The following DNM3 variants were observed in gnomAD, a reference collection of about 807,000 sequenced individuals.
DNM3 encodes the protein dynamin-3.
DNM3 carries 47 observed loss-of-function variants against 101.6 expected under a neutral mutation model. The observed-to-expected ratio is 0.46, with a 90% CI of 0.37 to 0.59. The LOEUF is 0.59. Among genes scored for constraint, DNM3 ranks in the 20% least tolerant of loss-of-function variants. The pLI is 0.00. For missense variants in DNM3, 849 were observed against 1,085.7 expected, an observed-to-expected ratio of 0.78 and a Z score of 3.06; for synonymous variants, 385 against 387.9, an observed-to-expected ratio of 0.99 and a Z score of 0.09.
intron 14 of DNM3, among the ~76,000 whole-genome samples, chr1:172,215,491 T>G (rs1191772287): frequency 6.6e-6 from 1 of 152,024 alleles, no homozygotes; most frequent in Non-Finnish European, 1.5e-5. Context: ...GCTCCAGTCT[T>G]TATTATGTAT....
chr1:172,161,677 G>A (rs1472972285), intron 14 of DNM3, among the ~76,000 whole-genome samples: 1 of 151,994 alleles, frequency 6.6e-6, no homozygotes, highest in Non-Finnish European at 1.5e-5. Flanking sequence ...ATGGGAAAAG[G>A]TGTTGTTTTG....
intron 20 of DNM3, among the ~76,000 whole-genome samples, chr1:172,407,183 A>G (rs1422839022): frequency 1.4e-5 from 2 of 146,340 alleles, no homozygotes; most frequent in South Asian, 4.6e-4. Flanking sequence ...AAGACCCAAA[A>G]TAGGAACTAG....
chr1:172,071,104 T>C (rs1401542642), intron 11 of DNM3, among the ~76,000 whole-genome samples: 1 of 135,662 alleles, frequency 7.4e-6, no homozygotes, highest in Non-Finnish European at 1.5e-5. Flanking sequence ...TATATATATA[T>C]ATATATATAT....
At chr1:172,105,384 A>G (rs1242834433) in intron 13 of DNM3, among the ~76,000 whole-genome samples, 1 of 152,232 alleles carries the variant, frequency 6.6e-6, no homozygotes, top group Non-Finnish European at 1.5e-5. Flanking sequence ...AGGTCATACA[A>G]TGGATAAGTG....
At chr1:172,008,624 T>C (rs1402491941) in intron 4 of DNM3, among the ~76,000 whole-genome samples, 1 of 150,384 alleles carries the variant, frequency 6.6e-6, no homozygotes, top group Non-Finnish European at 1.5e-5. Flanking sequence ...AGAGTCAAAG[T>C]TCATTATTTT....
intron 14 of DNM3, 31 bp downstream of exon 14, chr1:172,131,319 G>C (rs372390994): frequency 1.0e-4 from 165 of 1,580,632 alleles, no homozygotes; most frequent in South Asian, 1.2e-4. Context: ...AAGTTTTCTT[G>C]TTAAAGTATT....
Position 172,236,168 on chromosome 1 carries a change from C to T in DNM3, c.1660-17405C>T, listed in dbSNP as rs554750249. Among the ~76,000 whole-genome samples, 51 of 152,248 alleles carry T rather than the reference C, an allele frequency of 3.3e-4. 1 individual carries two copies. The highest frequency in any genetic ancestry group is 1.1e-3 in the African/African-American group (47 of 41,558). On this transcript the variant is annotated intron_variant, in intron 14 of 20. Transcript: ENST00000627582. The stretch of plus-strand genomic sequence containing the variant: ...AATTACTTAGAAGGATCTCTGTCTC[C>T]TTCCTCCTCTACCATGTTAGTCTAC...
chr1:171,992,580 C>A (rs1349858357), intron 4 of DNM3, among the ~76,000 whole-genome samples: 2 of 152,034 alleles, frequency 1.3e-5, no homozygotes, highest in East Asian at 3.9e-4. Flanking sequence ...TGTTCATGAA[C>A]TTACCTAAAA....
At chr1:171,973,214 G>T (rs1348370340) in intron 2 of DNM3, among the ~76,000 whole-genome samples, 1 of 152,166 alleles carries the variant, frequency 6.6e-6, no homozygotes, top group African/African-American at 2.4e-5. Flanking sequence ...GCCTCTTGGA[G>T]GGGAGAGCTT....
At chr1:172,256,791 A>G (rs79772989) in intron 15 of DNM3, among the ~76,000 whole-genome samples, 4,141 of 151,658 alleles carry the variant, frequency 0.027, 87 homozygotes, top group East Asian at 0.1. Context: ...CTTTTCTTAT[A>G]TATCTGCATA....
chr1:172,408,875 G>A lies in DNM3; in HGVS notation c.*1034G>A, dbSNP rs2071061526. Reference sequence around the variant, plus strand: ...CTTTCTTAATAAATCTTGAGGCTATGGGATAATCACATTTAAAGAATGGTT... The same window carrying A: ...CTTTCTTAATAAATCTTGAGGCTATAGGATAATCACATTTAAAGAATGGTT... On this transcript the variant is annotated 3_prime_UTR_variant, in exon 21 of 21. Coordinates refer to ENST00000627582, the MANE Select transcript of DNM3 (RefSeq NM_015569.5). 1.0e-6 allele frequency: 1 copy of A among 985,252 alleles called. No homozygotes were observed. Among genetic ancestry groups the A allele is most frequent in the Non-Finnish European group, 1.2e-6 (1 of 829,862 alleles). 61.0% of individuals were successfully genotyped at this position (985,252 alleles called of 1,614,324 possible).
intron 1 of DNM3, among the ~76,000 whole-genome samples, chr1:171,847,895 TC>T (rs71573026): frequency 5.4e-5 from 8 of 148,410 alleles, no homozygotes; most frequent in Non-Finnish European, 1.2e-4. Flanking sequence ...TCTCTCTCTC[TC>T]TGTGTGTGTG....
At chr1:172,414,131 A>G (rs1241175901), downstream of DNM3, among the ~76,000 whole-genome samples, 1 of 152,202 alleles carries the variant, frequency 6.6e-6, no homozygotes, top group Non-Finnish European at 1.5e-5. Context: ...GGGACCTTTA[A>G]ATTTCATATT....
chr1:172,281,233 G>A (rs1348043006), intron 15 of DNM3, among the ~76,000 whole-genome samples: 1 of 152,140 alleles, frequency 6.6e-6, no homozygotes, highest in Non-Finnish European at 1.5e-5. Context: ...GAAATACAGA[G>A]TGGATTGAAA....
At chr1:172,146,531 C>T (rs981969937) in intron 14 of DNM3, among the ~76,000 whole-genome samples, 1 of 152,096 alleles carries the variant, frequency 6.6e-6, no homozygotes, top group Non-Finnish European at 1.5e-5. Flanking sequence ...ATAGTGCTTG[C>T]ACAAGCCCAT....
At chr1:172,101,041 A>T (rs139578050) in intron 13 of DNM3, among the ~76,000 whole-genome samples, 3 of 152,202 alleles carry the variant, frequency 2.0e-5, no homozygotes, top group Non-Finnish European at 4.4e-5. Flanking sequence ...AGGCCACATC[A>T]TATGGGACAA....
At chr1:172,296,416 G>A (rs911503214) in intron 15 of DNM3, among the ~76,000 whole-genome samples, 1 of 152,186 alleles carries the variant, frequency 6.6e-6, no homozygotes, top group Non-Finnish European at 1.5e-5. Context: ...GTCATTTCCA[G>A]GTTTGAACCT....
chr1:172,093,656 T>G (rs752666898), intron 13 of DNM3: 1 of 1,575,344 alleles, frequency 6.3e-7, no homozygotes, highest in Non-Finnish European at 8.6e-7. Context: ...TTTAAAAACT[T>G]TTTTTCTGAA....
At chr1:172,064,691 A>G (rs983055027) in intron 10 of DNM3, among the ~76,000 whole-genome samples, 7 of 152,064 alleles carry the variant, frequency 4.6e-5, no homozygotes, top group African/African-American at 1.7e-4. Context: ...TATATTTTAT[A>G]TTTGAAAGCC....
Sources: allele counts gnomAD v4.1 joint callset (sites outside exome capture counted in the v4.1 genomes callset), GRCh38; gene constraint gnomAD v4.1.1; transcripts MANE v1.5; gene names NCBI Gene and HGNC (gene_info 2026-07-23, HGNC 2026-07-21).